ADTRP: variants seen among roughly 807,000 people sequenced by gnomAD.
ADTRP encodes the protein androgen dependent TFPI regulating protein.
Under a neutral mutation model 27.0 loss-of-function variants are expected in ADTRP, and 20 were observed. That is an observed-to-expected ratio of 0.74 (90% CI 0.52 to 1.08). ADTRP has a LOEUF of 1.08. Among genes scored for constraint, ADTRP ranks in the 50% least tolerant of loss-of-function variants. The pLI is 0.00. For synonymous variants in ADTRP, 101 were observed against 105.2 expected, an observed-to-expected ratio of 0.96 and a Z score of 0.25; for missense variants, 251 against 275.0, an observed-to-expected ratio of 0.91 and a Z score of 0.62.
intron 3 of ADTRP, among the ~76,000 whole-genome samples, chr6:11,758,684 G>A (rs985385083): frequency 7.3e-5 from 11 of 150,996 alleles, no homozygotes; most frequent in Admixed American, 5.3e-4. Context: ...TAACCTGCAC[G>A]TTGTGCACAT....
In ADTRP at chr6:11,778,719, A is replaced by G; in HGVS notation, c.41T>C (p.Leu14Pro). The change falls in exon 1 of 6, where the codon CTG (leucine) becomes CCG (proline). Residue 14 changes from leucine to proline, a missense_variant. By Grantham distance (98) the Leu-to-Pro change is moderately conservative. Coordinates refer to ENST00000414691, the MANE Select transcript of ADTRP (RefSeq NM_032744.4). Reference protein sequence around the residue: ...TSTCIYHFLVLSWYTFLNYYI... With the variant: ...TSTCIYHFLVPSWYTFLNYYI... ...ATAATTGAGGAAAGTATACCAGCTC[A>G]GAACAAGGAAGTGGTATATGCATGT... is the stretch of plus-strand genomic sequence containing the variant. The G allele has an allele frequency of 6.2e-7, 1 of 1,614,254 alleles. No homozygotes were observed.
At chr6:11,714,576 G>A in intron 5 of ADTRP, 64 bp from the exon 6 acceptor site, 1 of 1,557,528 alleles carries the variant, frequency 6.4e-7, no homozygotes. Context: ...TATTTTTGTT[G>A]TGGGTAGAGA....
At chr6:11,765,617 T>G (rs950844968) in intron 3 of ADTRP, among the ~76,000 whole-genome samples, 3 of 152,246 alleles carry the variant, frequency 2.0e-5, no homozygotes, top group African/African-American at 2.4e-5. Flanking sequence ...ACAATTACTT[T>G]GTTCACATTG....
At chr6:11,759,249 G>A (rs1379717801) in intron 3 of ADTRP, among the ~76,000 whole-genome samples, 1 of 152,188 alleles carries the variant, frequency 6.6e-6, no homozygotes, top group Non-Finnish European at 1.5e-5. Flanking sequence ...AAGAGGAGGA[G>A]TAGAAGAACC....
At chr6:11,744,073 C>G (rs890539974) in intron 3 of ADTRP, among the ~76,000 whole-genome samples, 1 of 152,136 alleles carries the variant, frequency 6.6e-6, no homozygotes, top group South Asian at 2.1e-4. Flanking sequence ...CCCCTATGAA[C>G]AGCTTGGTGT....
At chr6:11,777,486 T>TG (rs1763997368) in intron 1 of ADTRP, among the ~76,000 whole-genome samples, 1 of 57,992 alleles carries the variant, frequency 1.7e-5, no homozygotes, top group Non-Finnish European at 4.8e-5. Flanking sequence ...GTGTGTGGTT[T>TG]TTTGTTGTTG....
At chr6:11,757,704 G>A (rs575645163) in intron 3 of ADTRP, among the ~76,000 whole-genome samples, 17 of 152,154 alleles carry the variant, frequency 1.1e-4, no homozygotes, top group Non-Finnish European at 1.6e-4. Flanking sequence ...ACACAAACAG[G>A]GGAAATGTCA....
chr6:11,766,123 T>G, intron 3 of ADTRP, 151 bp downstream of exon 3: 1 of 524,042 alleles, frequency 1.9e-6, no homozygotes, highest in South Asian at 2.9e-5. Flanking sequence ...TGTGTTCATT[T>G]CATACCTTCA....
At chr6:11,717,548 A>G (rs1761873251) in intron 5 of ADTRP, 4 of 1,050,258 alleles carry the variant, frequency 3.8e-6, no homozygotes, top group African/African-American at 1.7e-5. Context: ...ATTTACACCT[A>G]TGTATCTACA....
At chr6:11,755,072 T>G (rs1161418945) in intron 3 of ADTRP, 1 of 985,324 alleles carries the variant, frequency 1.0e-6, no homozygotes, top group East Asian at 1.1e-4. Flanking sequence ...ATTCTTCCCG[T>G]TGGGGTGTTA....
intron 3 of ADTRP, among the ~76,000 whole-genome samples, chr6:11,759,155 T>C (rs893525685): frequency 6.6e-6 from 1 of 152,148 alleles, no homozygotes; most frequent in African/African-American, 2.4e-5. Flanking sequence ...CCAAGCAATG[T>C]CTTTTGTTGG....
intron 3 of ADTRP, chr6:11,736,423 A>G (rs1050874449): frequency 1.3e-5 from 2 of 152,594 alleles, no homozygotes; most frequent in African/African-American, 2.4e-5. Context: ...ACTTCGGCAT[A>G]TTCTCACACA....
intron 3 of ADTRP, among the ~76,000 whole-genome samples, chr6:11,751,158 T>A (rs1020303461): frequency 6.6e-6 from 1 of 152,354 alleles, no homozygotes; most frequent in Admixed American, 6.5e-5. Flanking sequence ...TCTGACTACA[T>A]TATTAACTGG....
intron 3 of ADTRP, among the ~76,000 whole-genome samples, chr6:11,758,877 G>A (rs949051308): frequency 6.6e-6 from 1 of 152,140 alleles, no homozygotes; most frequent in Non-Finnish European, 1.5e-5. Context: ...CAATCCATTG[G>A]TCTGCTCTGT....
chr6:11,740,011 A>G (rs780524729), intron 3 of ADTRP, among the ~76,000 whole-genome samples: 6 of 152,124 alleles, frequency 3.9e-5, no homozygotes, highest in South Asian at 4.1e-4. Context: ...TCTTTCCTCT[A>G]TTTCATTTCC....
chr6:11,714,393 C>G lies in ADTRP; in HGVS notation c.*85G>C. The G allele has an allele frequency of 6.8e-7, 1 of 1,476,624 alleles. No individual in the cohort carries two copies. The highest frequency in any genetic ancestry group is 9.2e-7 in the Non-Finnish European group (1 of 1,090,300). 91.5% of individuals were successfully genotyped at this position (1,476,624 alleles called of 1,614,324 possible). ...CCTACTTTGCTATGTTCCTCCACCA[C>G]CTCCCTCCACCAGAAAAAAAAAAAA... is the stretch of plus-strand genomic sequence containing the variant. On this transcript the variant is annotated 3_prime_UTR_variant, in exon 6 of 6. Transcript: ENST00000414691.
At chr6:11,744,958 A>G (rs1274238496) in intron 3 of ADTRP, among the ~76,000 whole-genome samples, 1 of 152,166 alleles carries the variant, frequency 6.6e-6, no homozygotes, top group African/African-American at 2.4e-5. Context: ...AGCACCCTGT[A>G]AGCACAAACT....
At chr6:11,738,031 A>G (rs1406089081) in intron 3 of ADTRP, among the ~76,000 whole-genome samples, 1 of 152,226 alleles carries the variant, frequency 6.6e-6, no homozygotes. Context: ...AATGGGGACA[A>G]TAAATAGTAC....
At position 11,735,613 on chromosome 6, in the gene ADTRP, G is replaced by A. The variant is rs1762523003; in HGVS notation, c.461C>T (p.Thr154Ile). The change falls in exon 4 of 6, where the codon ACA becomes ATA. Residue 154 changes from threonine to isoleucine, a missense_variant. Thr to Ile is a moderately conservative substitution (Grantham distance 89, BLOSUM62 -1). Transcript: ENST00000414691. ...GGCAGCAGCCAGCAAGGTGAGTCCTGTCTTCTTTGATGGATAGGAGTGAGG... is the reference window on the plus strand; with the variant it reads ...GGCAGCAGCCAGCAAGGTGAGTCCTATCTTCTTTGATGGATAGGAGTGAGG... ...LRPHSYPSKK[T>I]GLTLLAAASI... is the part of the protein sequence containing the mutation. 6.2e-7 allele frequency: 1 copy of A among 1,614,092 alleles called. No individual in the cohort carries two copies. Among genetic ancestry groups the A allele is most frequent in the East Asian group, 2.2e-5 (1 of 44,880 alleles).
Sources: allele counts gnomAD v4.1 joint callset (sites outside exome capture counted in the v4.1 genomes callset), GRCh38; gene constraint gnomAD v4.1.1; transcripts MANE v1.5; gene names NCBI Gene and HGNC (gene_info 2026-07-23, HGNC 2026-07-21).